Variants in TBXT observed in about 807,000 individuals in gnomAD.
TBXT encodes T-box transcription factor T.
TBXT carries 19 observed loss-of-function variants against 41.1 expected under a neutral mutation model. The observed-to-expected ratio is 0.46, with a 90% CI of 0.32 to 0.68. The LOEUF is 0.68. TBXT is among the 30% of genes least tolerant of loss of function. TBXT has a pLI of 0.03. For synonymous variants in TBXT, 213 were observed against 238.9 expected (o/e 0.89, Z 1.00); for missense variants, 536 against 582.0 (o/e 0.92, Z 0.81).
chr6:166,161,160 A>T (rs1040943422), intron 6 of TBXT, among the ~76,000 whole-genome samples, 194 bp from the exon 7 acceptor site: 2 of 152,212 alleles, frequency 1.3e-5, no homozygotes, highest in African/African-American at 2.4e-5. Flanking sequence ...AAATATATGT[A>T]TTTGAAAACA....
Position 166,167,501 on chromosome 6 carries a change from C to T in TBXT, c.91G>A (p.Gly31Ser), listed in dbSNP as rs750783022. ...TCTGTGGGGTCGCCCTTCTCGCTGCCCGCCTGCAGCTCATTCTCCACGGCG... is the reference window on the plus strand; with the variant it reads ...TCTGTGGGGTCGCCCTTCTCGCTGCTCGCCTGCAGCTCATTCTCCACGGCG... Reference protein sequence around the residue: ...LSAVENELQAGSEKGDPTERE... With the variant: ...LSAVENELQASSEKGDPTERE... Residue 31 changes from glycine (G) to serine (S), a missense_variant, in exon 1 of 8, where the codon GGC becomes AGC. Gly to Ser is a moderately conservative substitution (Grantham distance 56). Coordinates refer to ENST00000366876, the MANE Select transcript of TBXT (RefSeq NM_001366285.2). The T allele has an allele frequency of 1.2e-6, 2 of 1,608,690 alleles. No individual in the cohort carries two copies. The highest frequency in any genetic ancestry group is 1.1e-5 in the South Asian group (1 of 90,984).
rs1318788009 is a variant in TBXT at position 166,162,567 on chromosome 6, G to T, written c.787C>A (p.Pro263Thr). Residue 263 changes from proline to threonine, a missense_variant, in exon 6 of 8, where the codon CCT (proline) becomes ACT (threonine). Coordinates refer to ENST00000366876, the MANE Select transcript of TBXT (RefSeq NM_001366285.2). ...STLCPPANPH[P>T]QFGGALSLPS... ...AGGGAGAGGGCACCTCCAAACTGAG[G>T]ATGAGGATTTGCAGGTGGACACAGG... 1 of 1,614,176 alleles carries T rather than the reference G, an allele frequency of 6.2e-7. No homozygotes were observed. Among genetic ancestry groups the T allele is most frequent in the Non-Finnish European group, 8.5e-7 (1 of 1,180,012 alleles).
rs1327778042 is a variant in TBXT, at chr6:166,157,946, T to C, written c.*369A>G. 4 of 372,218 alleles carry C rather than the reference T, an allele frequency of 1.1e-5. No individual in the cohort carries two copies. The highest frequency in any genetic ancestry group is 8.3e-5 in the African/African-American group (4 of 48,256). 23.1% of individuals were successfully genotyped at this position (372,218 alleles called of 1,614,324 possible). A position where few individuals can be genotyped will look rare whatever the true frequency, so the allele number is the denominator to read the frequency against. Reference sequence around the variant, plus strand: ...TTTTATCTCACTAAAGTAGGACTGGTGGAGTTTACAAATTCTGGTGTGCCA... The same window carrying C: ...TTTTATCTCACTAAAGTAGGACTGGCGGAGTTTACAAATTCTGGTGTGCCA... On this transcript the variant is annotated 3_prime_UTR_variant, in exon 8 of 8. Transcript: ENST00000366876.
At position 166,167,635 on chromosome 6, in the gene TBXT, T is replaced by G; in HGVS notation, c.-44A>C. On this transcript the variant is annotated 5_prime_UTR_variant, in exon 1 of 8. Coordinates refer to ENST00000366876, the MANE Select transcript of TBXT (RefSeq NM_001366285.2). ...TCCCCGCCGTCCCCGAAGCCCAGACTCGCTACCTGAGATCCACCTTCCCTG... is the reference window on the plus strand; with the variant it reads ...TCCCCGCCGTCCCCGAAGCCCAGACGCGCTACCTGAGATCCACCTTCCCTG... The G allele has an allele frequency of 2.0e-6, 3 of 1,537,388 alleles. No individual in the cohort carries two copies. Among genetic ancestry groups the G allele is most frequent in the Non-Finnish European group, 2.6e-6 (3 of 1,146,932 alleles).
At chr6:166,163,440 G>A (rs547031236) in intron 5 of TBXT, among the ~76,000 whole-genome samples, 9 of 152,318 alleles carry the variant, frequency 5.9e-5, no homozygotes, top group African/African-American at 2.2e-4. Context: ...CTGGAGTGCA[G>A]TGGTGTGATC....
At chr6:166,166,528 T>C in intron 2 of TBXT, 64 bp downstream of exon 2, 1 of 1,610,480 alleles carries the variant, frequency 6.2e-7, no homozygotes, top group Non-Finnish European at 8.5e-7. Flanking sequence ...ACAACCCCCG[T>C]GCAGAAGGCG....
chr6:166,164,464 G>T, intron 5 of TBXT, 141 bp downstream of exon 5: 1 of 974,648 alleles, frequency 1.0e-6, no homozygotes, highest in Non-Finnish European at 1.7e-6. Context: ...ACAGGGCCAA[G>T]AGCCTCGCAT....
intron 4 of TBXT, 28 bp from the exon 5 acceptor site, chr6:166,164,694 T>C (rs1193440985): frequency 6.2e-7 from 1 of 1,612,722 alleles, no homozygotes; most frequent in Non-Finnish European, 8.5e-7. Context: ...AAAAAGTATA[T>C]CGAATTTTCA....
chr6:166,166,599 C>G lies in TBXT; in HGVS notation c.464G>C (p.Gly155Ala). The change falls in exon 2 of 8, where the codon GGG (glycine) becomes GCG (alanine). Residue 155 changes from glycine (G) to alanine (A), a missense_variant. Gly to Ala is a moderately conservative substitution (Grantham distance 60). Coordinates refer to ENST00000366876, the MANE Select transcript of TBXT (RefSeq NM_001366285.2). Reference protein sequence around the residue: ...KVKLTNKLNGGGQIMLNSLHK... With the variant: ...KVKLTNKLNGAGQIMLNSLHK... ...CGGGCTCCTCACACCTACCTGGCCC[C>G]CTCCGTTGAGCTTGTTGGTGAGCTT... 1 of 1,614,006 alleles carries G rather than the reference C, an allele frequency of 6.2e-7. No individual in the cohort carries two copies. Among genetic ancestry groups the G allele is most frequent in the Non-Finnish European group, 8.5e-7 (1 of 1,179,974 alleles).
At position 166,158,447 on chromosome 6, in the gene TBXT, C is replaced by T. The variant is rs35819705; in HGVS notation, c.1179G>A (p.Ala393=). 464,106 of 1,613,956 alleles carry T rather than the reference C, an allele frequency of 0.29. 69,320 individuals are homozygous for T. The highest frequency in any genetic ancestry group is 0.31 in the South Asian group (28,531 of 91,072). ...HYTPLTHPVS[A]PSSSGSPLYE... ...ACAGTGGGGATCCCGAGGAAGAGGG[C>T]GCCGAGACCGGATGGGTGAGGGGTG... is the stretch of plus-strand genomic sequence containing the variant. Residue 393 remains alanine (A), a synonymous_variant, in exon 8 of 8, where the codon GCG becomes GCA. Transcript: ENST00000366876.
Position 166,158,479 on chromosome 6 carries a change from G to A in TBXT, c.1147C>T (p.His383Tyr), listed in dbSNP as rs573464240. ...ACCGGATGGGTGAGGGGTGTGTAGTGCGCGGGGGAGCCCCGGAAGAACTGG... is the reference window on the plus strand; with the variant it reads ...ACCGGATGGGTGAGGGGTGTGTAGTACGCGGGGGAGCCCCGGAAGAACTGG... ...GAQFFRGSPA[H>Y]YTPLTHPVSA... Residue 383 changes from histidine to tyrosine, a missense_variant, in exon 8 of 8, where the codon CAC becomes TAC. Coordinates refer to ENST00000366876, the MANE Select transcript of TBXT (RefSeq NM_001366285.2). 1.2e-6 allele frequency: 2 copies of A among 1,609,458 alleles called. No individual in the cohort carries two copies. The highest frequency in any genetic ancestry group is 1.7e-6 in the Non-Finnish European group (2 of 1,177,692).
Position 166,158,378 on chromosome 6 carries a change from G to C in TBXT, c.1248C>G (p.Tyr416Ter). The change falls in exon 8 of 8, where the codon TAC (tyrosine) becomes TAG (stop). Residue 416 changes from tyrosine to a stop codon, truncating the protein, a stop_gained. Transcript: ENST00000366876. LOFTEE classifies it high-confidence loss of function. ...AAATDIVDSQ[Y>*]DAAAQGRLIA... ...TGAGGCGGCCTTGGGCTGCGGCGTCGTACTGGCTGTCCACGATGTCTGTGG... is the reference window on the plus strand; with the variant it reads ...TGAGGCGGCCTTGGGCTGCGGCGTCCTACTGGCTGTCCACGATGTCTGTGG... The C allele has an allele frequency of 6.2e-7, 1 of 1,614,232 alleles. No homozygotes were observed. The highest frequency in any genetic ancestry group is 1.1e-5 in the South Asian group (1 of 91,092).
intron 7 of TBXT, among the ~76,000 whole-genome samples, chr6:166,158,873 T>C (rs1778870666): frequency 6.6e-6 from 1 of 152,212 alleles, no homozygotes; most frequent in African/African-American, 2.4e-5. Context: ...TAAGTTTCAC[T>C]GCGAAAGACT....
chr6:166,161,773 AT>A (rs1474710098), intron 6 of TBXT, among the ~76,000 whole-genome samples: 4 of 152,232 alleles, frequency 2.6e-5, no homozygotes, highest in Admixed American at 1.3e-4. Flanking sequence ...ATACAAAAAA[AT>A]TAGCCAGGCC....
Position 166,166,643 on chromosome 6 carries a change from G to A in TBXT, c.420C>T (p.Pro140=), listed in dbSNP as rs376242587. 2.9e-5 allele frequency: 47 copies of A among 1,613,922 alleles called. No individual in the cohort carries two copies. The highest frequency in any genetic ancestry group is 3.5e-5 in the Non-Finnish European group (41 of 1,180,036). Reference sequence around the variant, plus strand: ...TGAGCTTGACTTTGCTGAAGGAGACGGGAGCCTTCATCCAGTGGGCCCCGA... The same window carrying A: ...TGAGCTTGACTTTGCTGAAGGAGACAGGAGCCTTCATCCAGTGGGCCCCGA... ...PNFGAHWMKA[P]VSFSKVKLTN... Residue 140 remains proline, a synonymous_variant, in exon 2 of 8, where the codon CCC becomes CCT. Transcript: ENST00000366876.
In TBXT at chr6:166,167,598, GT is replaced by G. The variant is rs1203272330; in HGVS notation, c.-8del. Reference sequence around the variant, plus strand: ...CGGTGCCAGGGGAGCTCATCCTCCCGTCCGGCTCCCCTCCCCGCCGTCCCCG... The same window carrying G: ...CGGTGCCAGGGGAGCTCATCCTCCCGCCGGCTCCCCTCCCCGCCGTCCCCG... On this transcript the variant is annotated 5_prime_UTR_variant, in exon 1 of 8. Coordinates refer to ENST00000366876, the MANE Select transcript of TBXT (RefSeq NM_001366285.2). The G allele has an allele frequency of 4.5e-6, 7 of 1,548,574 alleles. No homozygotes were observed. The highest frequency in any genetic ancestry group is 6.1e-6 in the Non-Finnish European group (7 of 1,152,662).
intron 5 of TBXT, among the ~76,000 whole-genome samples, chr6:166,163,209 GC>G (rs1001474647): frequency 1.3e-5 from 2 of 152,116 alleles, no homozygotes; most frequent in African/African-American, 4.8e-5. Flanking sequence ...AGACAAGGGT[GC>G]CCTCCCCTTC....
chr6:166,163,888 A>G (rs763430626), intron 5 of TBXT, among the ~76,000 whole-genome samples: 1 of 152,236 alleles, frequency 6.6e-6, no homozygotes, highest in Non-Finnish European at 1.5e-5. Context: ...TGGTTGTTCA[A>G]TCAGCCTAGG....
At position 166,162,503 on chromosome 6, in the gene TBXT, C is replaced by T. The variant is rs1189840688; in HGVS notation, c.851G>A (p.Arg284Lys). 1.9e-6 allele frequency: 3 copies of T among 1,613,996 alleles called. No individual in the cohort carries two copies. The highest frequency in any genetic ancestry group is 3.3e-5 in the Admixed American group (2 of 59,996). Residue 284 changes from arginine to lysine, a missense_variant, in exon 6 of 8, where the codon AGG becomes AAG. Physicochemically the swap from Arg to Lys is conservative, Grantham distance 26. Coordinates refer to ENST00000366876, the MANE Select transcript of TBXT (RefSeq NM_001366285.2). ...THSCDRYPTL[R>K]SHRSSPYPSP... ...GGGGTAGGGTGAGGACCGGTGGCTCCTCAGGGTTGGGTACCTGTCACAGCT... is the reference window on the plus strand; with the variant it reads ...GGGGTAGGGTGAGGACCGGTGGCTCTTCAGGGTTGGGTACCTGTCACAGCT...
Sources: allele counts gnomAD v4.1 joint callset (sites outside exome capture counted in the v4.1 genomes callset), GRCh38; gene constraint gnomAD v4.1.1; transcripts MANE v1.5; gene names NCBI Gene and HGNC (gene_info 2026-07-23, HGNC 2026-07-21).